Variants in COLEC12 observed in about 807,000 individuals in gnomAD.
The protein encoded by COLEC12 is collectin subfamily member 12.
In COLEC12, 33 loss-of-function variants were observed where a neutral mutation model predicts 71.1. The ratio of observed to expected loss-of-function variants is 0.46; its 90% CI spans 0.35 to 0.62. COLEC12 has a LOEUF of 0.62. COLEC12 is among the 20% of genes least tolerant of loss of function. The probability of loss-of-function intolerance (pLI) is 0.00; values close to 1 mark genes in which losing one functional copy is unlikely to be tolerated. For synonymous variants in COLEC12, 350 were observed against 353.0 expected (o/e 0.99, Z 0.10); for missense variants, 765 against 916.1 (o/e 0.84, Z 2.13).
chr18:340,801 GA>G (rs1406427850), intron 5 of COLEC12, among the ~76,000 whole-genome samples: 1 of 152,164 alleles, frequency 6.6e-6, no homozygotes, highest in Non-Finnish European at 1.5e-5. Context: ...CCTACCATAG[GA>G]AAAAGTCATT....
At chr18:425,057 A>G (rs1021608246) in intron 2 of COLEC12, among the ~76,000 whole-genome samples, 4 of 152,130 alleles carry the variant, frequency 2.6e-5, no homozygotes, top group African/African-American at 7.2e-5. Flanking sequence ...AAATCAGGCT[A>G]TTGCCTCTAG....
intron 3 of COLEC12, among the ~76,000 whole-genome samples, chr18:350,286 A>AT (rs1365547112): frequency 1.8e-4 from 28 of 151,998 alleles, no homozygotes; most frequent in Admixed American, 1.2e-3. Flanking sequence ...CATCTTTCTC[A>AT]CTTTCTCTTG....
At chr18:466,092 T>G (rs1023555662) in intron 2 of COLEC12, among the ~76,000 whole-genome samples, 2 of 151,716 alleles carry the variant, frequency 1.3e-5, no homozygotes, top group African/African-American at 4.8e-5. Flanking sequence ...ATAAAAAACT[T>G]AGCTGGGCAC....
chr18:450,026 T>C (rs540573262), intron 2 of COLEC12, among the ~76,000 whole-genome samples: 2 of 152,342 alleles, frequency 1.3e-5, no homozygotes, highest in East Asian at 3.9e-4. Context: ...CAGTAAATCA[T>C]TTATTAGTAG....
chr18:476,131 G>A (rs1384730598), intron 2 of COLEC12, among the ~76,000 whole-genome samples: 1 of 152,168 alleles, frequency 6.6e-6, no homozygotes, highest in Admixed American at 6.5e-5. Flanking sequence ...GATCTCAGAG[G>A]AAAAGACATC....
intron 3 of COLEC12, 93 bp from the exon 4 acceptor site, chr18:348,256 G>A: frequency 9.0e-6 from 7 of 776,720 alleles, no homozygotes; most frequent in East Asian, 2.7e-5. Flanking sequence ...ATGGAACAAA[G>A]GAAACAGATT....
In COLEC12 at chr18:322,982, T is replaced by TG. The variant is rs530520753; in HGVS notation, c.2064-1176dup. ...GCTCATGCCTGTAATCCCAGCGTTT[T>TG]GGGGGGCTGAGGCAGATGGATCACC... On this transcript the variant is annotated intron_variant, in intron 8 of 9. Transcript: ENST00000400256. 2.0e-4 allele frequency among the ~76,000 whole-genome samples: 31 copies of TG among 152,218 alleles called. No homozygotes were observed. In the East Asian group the frequency reaches 5.6e-3, roughly 28 times the overall value.
chr18:398,797 G>A (rs1414861284), intron 2 of COLEC12, among the ~76,000 whole-genome samples: 1 of 152,236 alleles, frequency 6.6e-6, no homozygotes, highest in Non-Finnish European at 1.5e-5. Flanking sequence ...CATGTACTGA[G>A]GAACTCCAAA....
At chr18:385,533 T>C (rs529026360) in intron 2 of COLEC12, among the ~76,000 whole-genome samples, 71 of 152,034 alleles carry the variant, frequency 4.7e-4, no homozygotes, top group Admixed American at 3.7e-3. Flanking sequence ...CCATGTTGGT[T>C]AGGCTGGTCT....
At chr18:321,540 G>C in intron 9 of COLEC12, 122 bp downstream of exon 9, 1 of 978,130 alleles carries the variant, frequency 1.0e-6, no homozygotes, top group Non-Finnish European at 1.5e-6. Flanking sequence ...GTTAATAAAT[G>C]GCATAACCAG....
At chr18:401,259 T>C (rs1915680526) in intron 2 of COLEC12, among the ~76,000 whole-genome samples, 2 of 152,210 alleles carry the variant, frequency 1.3e-5, no homozygotes, top group Non-Finnish European at 2.9e-5. Flanking sequence ...GAATATAAAA[T>C]CAGTTATTCA....
chr18:371,211 C>T (rs999474935), intron 2 of COLEC12, among the ~76,000 whole-genome samples: 6 of 152,178 alleles, frequency 3.9e-5, no homozygotes, highest in African/African-American at 1.2e-4. Flanking sequence ...ACATATACTA[C>T]AGTCAAAGGA....
At chr18:332,884 G>C in intron 7 of COLEC12, 123 bp downstream of exon 7, 2 of 820,814 alleles carry the variant, frequency 2.4e-6, no homozygotes, top group South Asian at 3.9e-5. Context: ...CTGTAATGTT[G>C]CCTCCCATGT....
At position 496,139 on chromosome 18, in the gene COLEC12, A is replaced by T. The variant is rs920664364; in HGVS notation, c.7+4369T>A. ...AACTTTATTTGGCAGCGGTTGCAAG[A>T]GTTGTTTTGAAATAATATTATAATG... On this transcript the variant is annotated intron_variant, in intron 1 of 9. Transcript: ENST00000400256. Among the ~76,000 whole-genome samples the T allele has an allele frequency of 2.0e-5, 3 of 152,336 alleles. No individual in the cohort carries two copies. In the South Asian group the frequency reaches 6.2e-4, roughly 32 times the overall value.
chr18:439,435 C>T (rs1199139198), intron 2 of COLEC12, among the ~76,000 whole-genome samples: 3 of 150,726 alleles, frequency 2.0e-5, no homozygotes, highest in Non-Finnish European at 4.4e-5. Context: ...GAGAATTATA[C>T]CCTAACTAAT....
intron 2 of COLEC12, among the ~76,000 whole-genome samples, chr18:442,002 TACACACACACACACACACAC>T (rs56024245): frequency 0.027 from 3,245 of 120,808 alleles, 69 homozygotes; most frequent in Non-Finnish European, 0.031. Context: ...TCTCTCTCTC[TACACACACACACACACACAC>T]ACACACACAC....
chr18:442,757 C>T (rs1174907298), intron 2 of COLEC12, among the ~76,000 whole-genome samples: 2 of 152,206 alleles, frequency 1.3e-5, no homozygotes, highest in Non-Finnish European at 2.9e-5. Context: ...GTAAGGAGAT[C>T]GAGACCATCC....
chr18:489,901 C>T (rs1285312122), intron 1 of COLEC12, among the ~76,000 whole-genome samples: 1 of 152,194 alleles, frequency 6.6e-6, no homozygotes, highest in African/African-American at 2.4e-5. Flanking sequence ...AAAAGTGAAG[C>T]AAGAGCACTG....
intron 2 of COLEC12, among the ~76,000 whole-genome samples, chr18:457,026 T>C (rs1330214003): frequency 6.6e-6 from 1 of 152,208 alleles, no homozygotes; most frequent in Non-Finnish European, 1.5e-5. Flanking sequence ...GGCATTTTGT[T>C]AGGATGGTGG....
Sources: allele counts gnomAD v4.1 joint callset (sites outside exome capture counted in the v4.1 genomes callset), GRCh38; gene constraint gnomAD v4.1.1; transcripts MANE v1.5; gene names NCBI Gene and HGNC (gene_info 2026-07-23, HGNC 2026-07-21).